JOSD2: variants seen among roughly 807,000 people sequenced by gnomAD.
The protein encoded by JOSD2 is Josephin domain containing 2.
In JOSD2, 20 loss-of-function variants were observed where a neutral mutation model predicts 19.3. That is an observed-to-expected ratio of 1.04 (90% CI 0.73 to 1.51). JOSD2 has a LOEUF of 1.51. JOSD2 is among the 40% of genes most tolerant of loss of function. The probability of loss-of-function intolerance (pLI) is 0.00; values close to 1 mark genes in which losing one functional copy is unlikely to be tolerated. For missense variants in JOSD2, 215 were observed against 250.4 expected, an observed-to-expected ratio of 0.86 and a Z score of 0.95; for synonymous variants, 118 against 123.7, an observed-to-expected ratio of 0.95 and a Z score of 0.31.
intron 2 of JOSD2, among the ~76,000 whole-genome samples, chr19:50,509,977 CG>C (rs1270224132): frequency 6.9e-6 from 1 of 145,150 alleles, no homozygotes; most frequent in Non-Finnish European, 1.5e-5. Context: ...GGCATGAACC[CG>C]GGAGGCCGAG....
chr19:50,510,951 T>C, intron 1 of JOSD2, 166 bp downstream of exon 1: 1 of 383,974 alleles, frequency 2.6e-6, no homozygotes, highest in Non-Finnish European at 5.3e-6. Context: ...GGCTCTCTGC[T>C]CTTGTCACCT....
At chr19:50,508,210 T>C (rs1979503655) in intron 2 of JOSD2, among the ~76,000 whole-genome samples, 1 of 152,148 alleles carries the variant, frequency 6.6e-6, no homozygotes, top group South Asian at 2.1e-4. Context: ...AGTCCCTTCC[T>C]CTGTCCTTCA....
At chr19:50,509,771 G>A (rs1248257279) in intron 2 of JOSD2, among the ~76,000 whole-genome samples, 1 of 151,974 alleles carries the variant, frequency 6.6e-6, no homozygotes, top group Admixed American at 6.6e-5. Context: ...AAGAACCACT[G>A]GGCCGGGTGC....
intron 1 of JOSD2, among the ~76,000 whole-genome samples, chr19:50,510,757 C>G (rs1979765799): frequency 6.6e-6 from 1 of 152,062 alleles, no homozygotes; most frequent in Admixed American, 6.6e-5. Context: ...CTCCCCGTCC[C>G]TAGGTAACCA....
In JOSD2 at chr19:50,511,133, C is replaced by G. The variant is rs1241077412; in HGVS notation, c.-34G>C. Reference sequence around the variant, plus strand: ...GCCCCTCACCCCGCCTGCCTCTCCGCTCCACCGAGCCAGGGGTTTCCGCAT... The same window carrying G: ...GCCCCTCACCCCGCCTGCCTCTCCGGTCCACCGAGCCAGGGGTTTCCGCAT... On this transcript the variant is annotated 5_prime_UTR_variant, in exon 1 of 5. Coordinates refer to ENST00000598418, the MANE Select transcript of JOSD2 (RefSeq NM_001270639.2). 3 of 452,706 alleles carry G rather than the reference C, an allele frequency of 6.6e-6. No homozygotes were observed. Among genetic ancestry groups the G allele is most frequent in the South Asian group, 3.1e-5 (2 of 64,396 alleles). The allele number at this position is 452,706 out of a possible 1,614,324, so 28.0% of individuals were successfully genotyped here. A position where few individuals can be genotyped will look rare whatever the true frequency, so the allele number is the denominator to read the frequency against.
At chr19:50,509,520 A>G (rs1601351251) in intron 2 of JOSD2, among the ~76,000 whole-genome samples, 1 of 152,136 alleles carries the variant, frequency 6.6e-6, no homozygotes, top group South Asian at 2.1e-4. Context: ...ACGGGAGTGG[A>G]GAGTCTGGTT....
intron 2 of JOSD2, 69 bp downstream of exon 2, chr19:50,510,217 C>T: frequency 1.3e-6 from 2 of 1,596,408 alleles, no homozygotes; most frequent in Non-Finnish European, 1.7e-6. Flanking sequence ...GCCTGCCTGG[C>T]GGCGAGACCC....
intron 3 of JOSD2, among the ~76,000 whole-genome samples, 199 bp from the exon 4 acceptor site, chr19:50,506,771 A>G (rs1979379992): frequency 6.8e-6 from 1 of 146,044 alleles, no homozygotes; most frequent in African/African-American, 2.5e-5. Flanking sequence ...GCGGCCACCC[A>G]ACCAGACCTC....
intron 1 of JOSD2, 82 bp from the exon 2 acceptor site, chr19:50,510,530 CATTG>C: frequency 2.2e-6 from 3 of 1,342,268 alleles, no homozygotes; most frequent in Non-Finnish European, 3.0e-6. Flanking sequence ...GGGGCATCGC[CATTG>C]ATTGAGCTGG....
intron 1 of JOSD2, 149 bp from the exon 2 acceptor site, chr19:50,510,597 T>C (rs1205034698): frequency 7.4e-6 from 5 of 674,160 alleles, no homozygotes; most frequent in Non-Finnish European, 9.8e-6. Context: ...TCCCTGGCAG[T>C]CTCCTGGCAG....
chr19:50,510,191 G>T, intron 2 of JOSD2, 95 bp downstream of exon 2: 2 of 1,477,104 alleles, frequency 1.4e-6, no homozygotes, highest in Non-Finnish European at 1.9e-6. Flanking sequence ...GCAGAAGAAA[G>T]CCCCCAAGGC....
intron 1 of JOSD2, 148 bp downstream of exon 1, chr19:50,510,969 G>A: frequency 1.3e-5 from 5 of 392,754 alleles, no homozygotes; most frequent in Non-Finnish European, 2.6e-5. Flanking sequence ...CCTGGCAACG[G>A]GGCCCCCTCC....
Position 50,506,089 on chromosome 19 carries a change from G to T in JOSD2, c.*84C>A. On this transcript the variant is annotated 3_prime_UTR_variant, in exon 5 of 5. Transcript: ENST00000598418. The stretch of plus-strand genomic sequence containing the variant: ...GGGGCCTCCCCAGGGTCCATGAAGT[G>T]CTGGCCTTTCCCAGGCATGCAGTGT... The T allele has an allele frequency of 7.4e-7, 1 of 1,347,630 alleles. No individual in the cohort carries two copies. Among genetic ancestry groups the T allele is most frequent in the Non-Finnish European group, 1.0e-6 (1 of 962,602 alleles). 83.5% of individuals were successfully genotyped at this position (1,347,630 alleles called of 1,614,324 possible).
intron 1 of JOSD2, 53 bp downstream of exon 1, chr19:50,511,064 C>T (rs1409262659): frequency 1.1e-5 from 5 of 451,566 alleles, no homozygotes; most frequent in African/African-American, 2.0e-5. Context: ...GAGCCCTTCG[C>T]CGACCCGCAC....
Position 50,506,202 on chromosome 19 carries a change from C to T in JOSD2, c.538G>A (p.Glu180Lys). 2 of 1,612,746 alleles carry T rather than the reference C, an allele frequency of 1.2e-6. No individual in the cohort carries two copies. The highest frequency in any genetic ancestry group is 1.7e-6 in the Non-Finnish European group (2 of 1,179,860). ...TCTGTCCGCAGCCAGCTGCCCTTCT[C>T]CTCCACCTCCTTGGTCACTACCAGC... ...VLLVVTKEVE[E>K]KGSWLRTD Residue 180 changes from glutamate to lysine, a missense_variant, in exon 5 of 5, where the codon GAG becomes AAG. By Grantham distance (56) the Glu-to-Lys change is moderately conservative. Coordinates refer to ENST00000598418, the MANE Select transcript of JOSD2 (RefSeq NM_001270639.2).
At chr19:50,511,088 C>T (rs1369846360) in intron 1 of JOSD2, 29 bp downstream of exon 1, 3 of 452,528 alleles carry the variant, frequency 6.6e-6, no homozygotes, top group East Asian at 1.5e-4. Context: ...AGCCACGGCG[C>T]TCGCCCTTTG....
chr19:50,509,234 C>T (rs1023908717), intron 2 of JOSD2, among the ~76,000 whole-genome samples: 8 of 151,832 alleles, frequency 5.3e-5, no homozygotes, highest in South Asian at 2.1e-4. Flanking sequence ...TGTGCCACCA[C>T]GCCCAGCTAA....
In JOSD2 at chr19:50,506,008, C is replaced by A; in HGVS notation, c.*165G>T. ...GACACAGGCCAGGCAGGCAGCAAATCAGCAGATTTATTGAGGCAGCAGCGG... is the reference window on the plus strand; with the variant it reads ...GACACAGGCCAGGCAGGCAGCAAATAAGCAGATTTATTGAGGCAGCAGCGG... On this transcript the variant is annotated 3_prime_UTR_variant, in exon 5 of 5. Coordinates refer to ENST00000598418, the MANE Select transcript of JOSD2 (RefSeq NM_001270639.2). 1.5e-6 allele frequency: 1 copy of A among 665,068 alleles called. No homozygotes were observed. Among genetic ancestry groups the A allele is most frequent in the Non-Finnish European group, 2.5e-6 (1 of 394,620 alleles). The allele number at this position is 665,068 out of a possible 1,614,324, so 41.2% of individuals were successfully genotyped here.
intron 2 of JOSD2, chr19:50,510,051 C>A (rs959489977): frequency 3.2e-4 from 74 of 232,128 alleles, no homozygotes; most frequent in African/African-American, 7.2e-4. Context: ...GACTCAGTCT[C>A]AAAAAAAAAA....
Sources: allele counts gnomAD v4.1 joint callset (sites outside exome capture counted in the v4.1 genomes callset), GRCh38; gene constraint gnomAD v4.1.1; transcripts MANE v1.5; gene names NCBI Gene and HGNC (gene_info 2026-07-23, HGNC 2026-07-21).